Variants in PDGFC observed in about 807,000 individuals in gnomAD.
PDGFC encodes platelet-derived growth factor C.
PDGFC carries 12 observed loss-of-function variants against 35.5 expected under a neutral mutation model. The ratio of observed to expected loss-of-function variants is 0.34; its 90% CI spans 0.22 to 0.55. The LOEUF (loss-of-function observed/expected upper bound fraction) is 0.55. Among genes scored for constraint, PDGFC ranks in the 20% least tolerant of loss-of-function variants. The pLI, the probability that PDGFC is intolerant of heterozygous loss-of-function variation, is 0.91. For missense variants in PDGFC, 322 were observed against 412.4 expected (o/e 0.78, Z 1.90); for synonymous variants, 159 against 148.8 (o/e 1.07, Z -0.50).
chr4:156,915,240 T>C (rs1731130984), intron 1 of PDGFC, among the ~76,000 whole-genome samples: 1 of 152,172 alleles, frequency 6.6e-6, no homozygotes, highest in African/African-American at 2.4e-5. Context: ...AACAACAAAA[T>C]ACAAAGCGTT....
At chr4:156,808,632 T>TG (rs1731837591) in intron 3 of PDGFC, among the ~76,000 whole-genome samples, 1 of 151,802 alleles carries the variant, frequency 6.6e-6, no homozygotes, top group Non-Finnish European at 1.5e-5. Context: ...GATTGCACCC[T>TG]GTTAGCAAAG....
At chr4:156,931,310 T>C (rs1168140967) in intron 1 of PDGFC, among the ~76,000 whole-genome samples, 1 of 152,208 alleles carries the variant, frequency 6.6e-6, no homozygotes, top group Non-Finnish European at 1.5e-5. Flanking sequence ...AATAAAAAGA[T>C]TGTTAAGAGT....
At chr4:156,787,636 T>C (rs539489540) in intron 3 of PDGFC, among the ~76,000 whole-genome samples, 1 of 151,264 alleles carries the variant, frequency 6.6e-6, no homozygotes, top group South Asian at 2.1e-4. Flanking sequence ...AATGAACCAA[T>C]AGAATGGCCA....
At chr4:156,935,246 T>G (rs1392115554) in intron 1 of PDGFC, among the ~76,000 whole-genome samples, 1 of 152,196 alleles carries the variant, frequency 6.6e-6, no homozygotes, top group South Asian at 2.1e-4. Flanking sequence ...CCTGCCCGCC[T>G]TGGCCTCCCT....
intron 1 of PDGFC, among the ~76,000 whole-genome samples, chr4:156,888,490 TA>T (rs1263785971): frequency 6.6e-6 from 1 of 152,180 alleles, no homozygotes. Flanking sequence ...GAGATCAAAA[TA>T]TTCTGTAAAG....
chr4:156,818,093 A>G (rs1732142812), intron 2 of PDGFC, among the ~76,000 whole-genome samples: 1 of 147,442 alleles, frequency 6.8e-6, no homozygotes, highest in South Asian at 2.2e-4. Flanking sequence ...TAAATCTTGT[A>G]TCAAAGTTCT....
In PDGFC at chr4:156,935,187, G is replaced by A. The variant is rs147090699; in HGVS notation, c.118+35599C>T. On this transcript the variant is annotated intron_variant, in intron 1 of 5. Transcript: ENST00000502773. ...TAATTTTTGTATTTTTCATACAGAC[G>A]GGGTTTCACCATGTTGGCCAGGATG... Among the ~76,000 whole-genome samples, 501 of 152,082 alleles carry A rather than the reference G, an allele frequency of 3.3e-3. 7 individuals are homozygous for A. Among genetic ancestry groups the A allele is most frequent in the African/African-American group, 0.011 (476 of 41,448 alleles).
chr4:156,874,907 G>C, intron 1 of PDGFC, among the ~76,000 whole-genome samples: 1 of 151,834 alleles, frequency 6.6e-6, no homozygotes. Flanking sequence ...TTGTAGAGAA[G>C]GGTTTTTGCC....
intron 1 of PDGFC, among the ~76,000 whole-genome samples, chr4:156,924,828 G>A (rs1180577362): frequency 6.6e-6 from 1 of 152,154 alleles, no homozygotes; most frequent in Admixed American, 6.5e-5. Flanking sequence ...ACTAAAAGGG[G>A]AGAAGGATTC....
At chr4:156,793,982 A>AGGAG (rs1350650713) in intron 3 of PDGFC, among the ~76,000 whole-genome samples, 3 of 152,162 alleles carry the variant, frequency 2.0e-5, no homozygotes, top group Non-Finnish European at 2.9e-5. Context: ...GGAGCTACTA[A>AGGAG]TACCTTAGTA....
chr4:156,792,604 AT>A (rs1383440478), intron 3 of PDGFC, among the ~76,000 whole-genome samples: 1 of 152,060 alleles, frequency 6.6e-6, no homozygotes, highest in African/African-American at 2.4e-5. Flanking sequence ...CAGAAATGCC[AT>A]TATCTTCAGG....
intron 1 of PDGFC, among the ~76,000 whole-genome samples, chr4:156,891,178 T>TA (rs942400306): frequency 6.9e-6 from 1 of 145,690 alleles, no homozygotes; most frequent in Non-Finnish European, 1.5e-5. Flanking sequence ...CATCTAAACA[T>TA]AAAAAAAAGG....
chr4:156,941,771 C>T (rs75391828), intron 1 of PDGFC, among the ~76,000 whole-genome samples: 2,929 of 151,990 alleles, frequency 0.019, 80 homozygotes, highest in African/African-American at 0.065. Context: ...AAATAAGATA[C>T]CATATATTCG....
intron 2 of PDGFC, among the ~76,000 whole-genome samples, chr4:156,827,813 CAAT>C (rs112385224): frequency 0.059 from 9,021 of 152,144 alleles, 878 homozygotes; most frequent in African/African-American, 0.21. Context: ...TCACCAAAGA[CAAT>C]AATTTTCTAC....
intron 1 of PDGFC, among the ~76,000 whole-genome samples, chr4:156,962,091 T>C (rs1194105147): frequency 3.9e-5 from 6 of 152,148 alleles, no homozygotes; most frequent in Non-Finnish European, 8.8e-5. Context: ...ATCTTAGACA[T>C]GAAGACTTTT....
At chr4:156,913,067 T>C (rs1474622272) in intron 1 of PDGFC, among the ~76,000 whole-genome samples, 1 of 152,126 alleles carries the variant, frequency 6.6e-6, no homozygotes, top group African/African-American at 2.4e-5. Context: ...AATGTTTGGC[T>C]CTTAAAAGTT....
chr4:156,878,172 T>C (rs1241118829), intron 1 of PDGFC, among the ~76,000 whole-genome samples: 1 of 152,086 alleles, frequency 6.6e-6, no homozygotes, highest in African/African-American at 2.4e-5. Flanking sequence ...AATTAGTAAA[T>C]AGGTGCATGA....
chr4:156,826,761 C>A (rs1728767456), intron 2 of PDGFC, among the ~76,000 whole-genome samples: 1 of 152,088 alleles, frequency 6.6e-6, no homozygotes, highest in Admixed American at 6.5e-5. Context: ...AAAGCAATAC[C>A]ATGACTTCAA....
At chr4:156,957,424 CT>C (rs1732238864) in intron 1 of PDGFC, among the ~76,000 whole-genome samples, 1 of 151,806 alleles carries the variant, frequency 6.6e-6, no homozygotes, top group Non-Finnish European at 1.5e-5. Context: ...ACTCATTGGT[CT>C]TCATTTTTTT....
Sources: allele counts gnomAD v4.1 joint callset (sites outside exome capture counted in the v4.1 genomes callset), GRCh38; gene constraint gnomAD v4.1.1; transcripts MANE v1.5; gene names NCBI Gene and HGNC (gene_info 2026-07-23, HGNC 2026-07-21).